The following DACH2 variants were observed in gnomAD, a reference collection of about 807,000 sequenced individuals.
DACH2 encodes dachshund homolog 2.
DACH2 carries 17 observed loss-of-function variants against 35.8 expected under a neutral mutation model. That is an observed-to-expected ratio of 0.48 (90% CI 0.33 to 0.71). The LOEUF (loss-of-function observed/expected upper bound fraction) is 0.71. Ranked by LOEUF, DACH2 falls within the 30% of genes least tolerant of loss-of-function variation. DACH2 has a pLI of 0.02. For synonymous variants in DACH2, 195 were observed against 177.3 expected, an observed-to-expected ratio of 1.10 and a Z score of -0.79; for missense variants, 469 against 472.7, an observed-to-expected ratio of 0.99 and a Z score of 0.07.
chrX:86,552,686 A>G (rs998666500), intron 3 of DACH2, among the ~76,000 whole-genome samples: 1 of 112,122 alleles, frequency 8.9e-6, no homozygotes, highest in Non-Finnish European at 1.9e-5. Context: ...TGCCTTCATT[A>G]ATTGTATAGC....
chrX:86,490,276 A>G (rs1334983528), intron 2 of DACH2, among the ~76,000 whole-genome samples: 1 of 111,753 alleles, frequency 8.9e-6, no homozygotes, highest in Non-Finnish European at 1.9e-5. Context: ...TTGGGTCAAC[A>G]TACAACTCAT....
At chrX:86,363,310 T>C (rs1277304215) in intron 1 of DACH2, among the ~76,000 whole-genome samples, 2 of 111,399 alleles carry the variant, frequency 1.8e-5, no homozygotes, top group Non-Finnish European at 3.8e-5. Flanking sequence ...TTATGCTTCA[T>C]TGTTACTTTT....
intron 1 of DACH2, among the ~76,000 whole-genome samples, chrX:86,291,689 G>A (rs1030044669): frequency 9.7e-6 from 1 of 102,700 alleles, no homozygotes; most frequent in Non-Finnish European, 2.0e-5. Context: ...TAATCATGTG[G>A]TTTTTGTCTT....
At chrX:86,282,601 C>T (rs1312179033) in intron 1 of DACH2, among the ~76,000 whole-genome samples, 1 of 110,904 alleles carries the variant, frequency 9.0e-6, no homozygotes, top group Non-Finnish European at 1.9e-5. Flanking sequence ...ATGATTAAAA[C>T]ACCAAAAGCC....
At chrX:86,563,544 A>T (rs1283700854) in intron 3 of DACH2, among the ~76,000 whole-genome samples, 1 of 111,070 alleles carries the variant, frequency 9.0e-6, no homozygotes, top group African/African-American at 3.3e-5. Flanking sequence ...CTATTTTGAG[A>T]TATAACAATG....
chrX:86,199,112 T>A (rs1374532279), intron 1 of DACH2, among the ~76,000 whole-genome samples: 2 of 110,570 alleles, frequency 1.8e-5, no homozygotes, highest in Non-Finnish European at 3.8e-5. Flanking sequence ...TAGTTCAATA[T>A]ACACAAATCA....
At chrX:86,402,145 C>T (rs1008391000) in intron 2 of DACH2, among the ~76,000 whole-genome samples, 1 of 111,673 alleles carries the variant, frequency 9.0e-6, no homozygotes, top group Non-Finnish European at 1.9e-5. Flanking sequence ...TGCCCACTCT[C>T]ATTACTTCTA....
chrX:86,397,709 G>A (rs756980600), intron 2 of DACH2, among the ~76,000 whole-genome samples: 292 of 111,697 alleles, frequency 2.6e-3, no homozygotes, highest in African/African-American at 9.1e-3. Context: ...ATTTTCCTAT[G>A]TTGAACCAGC....
intron 3 of DACH2, among the ~76,000 whole-genome samples, chrX:86,516,698 G>C (rs2038473181): frequency 9.1e-6 from 1 of 110,062 alleles, no homozygotes; most frequent in Non-Finnish European, 1.9e-5. Flanking sequence ...AATGTTTTCT[G>C]CTCCTCTCCC....
intron 1 of DACH2, among the ~76,000 whole-genome samples, chrX:86,342,376 C>A (rs988922229): frequency 9.0e-6 from 1 of 110,740 alleles, no homozygotes; most frequent in Non-Finnish European, 1.9e-5. Context: ...TGGAGCACAC[C>A]TATAGTCCCA....
intron 1 of DACH2, among the ~76,000 whole-genome samples, chrX:86,176,170 G>T (rs1476843449): frequency 2.7e-5 from 3 of 111,200 alleles, no homozygotes; most frequent in Non-Finnish European, 5.7e-5. Flanking sequence ...TAGTGAATGA[G>T]AATACATTTT....
At chrX:86,277,156 T>G (rs762171850) in intron 1 of DACH2, among the ~76,000 whole-genome samples, 12 of 112,013 alleles carry the variant, frequency 1.1e-4, no homozygotes, top group African/African-American at 3.9e-4. Context: ...TTCTTCTAAT[T>G]TATATCCATG....
intron 1 of DACH2, among the ~76,000 whole-genome samples, chrX:86,205,269 C>T (rs1323539000): frequency 1.8e-5 from 2 of 110,892 alleles, no homozygotes; most frequent in Non-Finnish European, 3.8e-5. Flanking sequence ...GTATATTTCT[C>T]CAAGTGTGCC....
chrX:86,298,592 G>A (rs898634941), intron 1 of DACH2, among the ~76,000 whole-genome samples: 10 of 111,650 alleles, frequency 9.0e-5, no homozygotes, highest in Non-Finnish European at 1.5e-4. Context: ...ATAGCCACAA[G>A]GAGTAGTACT....
chrX:86,409,108 T>A (rs2036569584), intron 2 of DACH2, among the ~76,000 whole-genome samples: 1 of 111,477 alleles, frequency 9.0e-6, no homozygotes, highest in African/African-American at 3.3e-5. Context: ...ATCTATTGAG[T>A]AGAGAGAATT....
chrX:86,654,198 A>C lies in DACH2; in HGVS notation c.772+3031A>C, dbSNP rs187101926. ...CCAAACATTTTTAGTAAAAAAAAAA[A>C]AAAAAAAAAAAAAAAACGCAATTAA... On this transcript the variant is annotated intron_variant, in intron 4 of 11. Coordinates refer to ENST00000373125, the MANE Select transcript of DACH2 (RefSeq NM_053281.3). Among the ~76,000 whole-genome samples, 349 of 101,363 alleles carry C rather than the reference A, an allele frequency of 3.4e-3. 3 individuals carry two copies. The highest frequency in any genetic ancestry group is 0.013 in the African/African-American group (324 of 24,889). The allele number at this position is 101,363 out of a possible 115,157, so 88.0% of individuals were successfully genotyped here.
chrX:86,231,555 A>G (rs1208173536), intron 1 of DACH2, among the ~76,000 whole-genome samples: 2 of 111,049 alleles, frequency 1.8e-5, no homozygotes, highest in Non-Finnish European at 3.8e-5. Context: ...AGGGAAGTGG[A>G]GAAAATCCAC....
intron 5 of DACH2, among the ~76,000 whole-genome samples, chrX:86,699,017 T>TA (rs2041108043): frequency 9.0e-6 from 1 of 111,278 alleles, no homozygotes; most frequent in Admixed American, 9.6e-5. Flanking sequence ...AAGAAGATAT[T>TA]ACATTCCTAA....
At chrX:86,818,542 C>A (rs2042474870) in intron 11 of DACH2, among the ~76,000 whole-genome samples, 2 of 111,323 alleles carry the variant, frequency 1.8e-5, no homozygotes, top group South Asian at 7.5e-4. Flanking sequence ...TTCTATTCTT[C>A]CTAATAATTT....
Sources: gnomAD v4.1 joint callset for allele counts (sites outside exome capture counted in the v4.1 genomes callset) on GRCh38, gnomAD v4.1.1 for gene constraint, MANE v1.5 for transcripts, NCBI Gene and HGNC (gene_info 2026-07-23, HGNC 2026-07-21) for gene names.